The following CDYL2 variants were observed in gnomAD, a reference collection of about 807,000 sequenced individuals.
The protein encoded by CDYL2 is chromodomain Y-like protein 2.
CDYL2 carries 23 observed loss-of-function variants against 49.4 expected under a neutral mutation model. The observed-to-expected ratio is 0.47, with a 90% CI of 0.34 to 0.66. The LOEUF (loss-of-function observed/expected upper bound fraction) is 0.66, where lower values mean the gene tolerates loss of function less well. Among genes scored for constraint, CDYL2 ranks in the 30% least tolerant of loss-of-function variants. The pLI, the probability that CDYL2 is intolerant of heterozygous loss-of-function variation, is 0.01. For synonymous variants in CDYL2, 360 were observed against 268.8 expected (o/e 1.34, Z -3.32); for missense variants, 678 against 656.4 (o/e 1.03, Z -0.36).
At chr16:80,632,477 G>A (rs572497656) in intron 3 of CDYL2, among the ~76,000 whole-genome samples, 1 of 152,170 alleles carries the variant, frequency 6.6e-6, no homozygotes, top group African/African-American at 2.4e-5. Context: ...AGATGTTCTG[G>A]AATTCAGTAG....
intron 2 of CDYL2, among the ~76,000 whole-genome samples, chr16:80,641,293 G>T (rs1023258336): frequency 3.3e-5 from 5 of 152,068 alleles, no homozygotes; most frequent in African/African-American, 1.2e-4. Context: ...CAGGCCAGGA[G>T]AGAATGGCAT....
intron 1 of CDYL2, among the ~76,000 whole-genome samples, chr16:80,711,448 C>A (rs3100174): frequency 0.27 from 41,257 of 152,120 alleles, 10,142 homozygotes; most frequent in African/African-American, 0.66. Context: ...CTTAACAGAG[C>A]GTCCTGTTTT....
chr16:80,763,143 G>C (rs1009393945), intron 1 of CDYL2, among the ~76,000 whole-genome samples: 1 of 150,692 alleles, frequency 6.6e-6, no homozygotes, highest in Admixed American at 6.7e-5. Context: ...ACTCCAGCAG[G>C]AACCTAACTA....
intron 1 of CDYL2, among the ~76,000 whole-genome samples, chr16:80,767,875 G>A (rs549303615): frequency 2.6e-5 from 4 of 152,314 alleles, no homozygotes; most frequent in Admixed American, 6.5e-5. Context: ...TGTTCACTGT[G>A]CAGTGTCACA....
chr16:80,760,637 A>T (rs1305454690), intron 1 of CDYL2, among the ~76,000 whole-genome samples: 2 of 152,160 alleles, frequency 1.3e-5, no homozygotes, highest in Non-Finnish European at 2.9e-5. Flanking sequence ...AAAATTAAAA[A>T]TTTAAAAAGA....
chr16:80,743,499 G>A (rs2142554502), intron 1 of CDYL2, among the ~76,000 whole-genome samples: 2 of 152,244 alleles, frequency 1.3e-5, no homozygotes, highest in South Asian at 4.1e-4. Flanking sequence ...GAACTGGGGT[G>A]TATGAATGGG....
chr16:80,783,611 A>C (rs2142407461), intron 1 of CDYL2, among the ~76,000 whole-genome samples: 1 of 152,332 alleles, frequency 6.6e-6, no homozygotes, highest in East Asian at 1.9e-4. Flanking sequence ...TGAATGCATA[A>C]ACAACATGTG....
At chr16:80,759,143 T>TTA (rs796158021) in intron 1 of CDYL2, among the ~76,000 whole-genome samples, 1,840 of 90,058 alleles carry the variant, frequency 0.02, 23 homozygotes, top group Non-Finnish European at 0.03. Context: ...TATATATGGT[T>TTA]TATATAAATA....
chr16:80,736,400 G>C (rs948819375), intron 1 of CDYL2: 2 of 152,216 alleles, frequency 1.3e-5, no homozygotes, highest in South Asian at 2.1e-4. Flanking sequence ...TTATTTTCAA[G>C]TTACTAATTT....
intron 3 of CDYL2, among the ~76,000 whole-genome samples, chr16:80,621,287 A>G (rs183197250): frequency 3.3e-5 from 5 of 152,346 alleles, no homozygotes; most frequent in Non-Finnish European, 7.3e-5. Flanking sequence ...CCTTTACAAG[A>G]TGTGGAAAAA....
chr16:80,759,122 A>ATATATATATATATATATATGGTT (rs1567597502), intron 1 of CDYL2, among the ~76,000 whole-genome samples: 40 of 127,832 alleles, frequency 3.1e-4, no homozygotes, highest in African/African-American at 4.3e-4. Flanking sequence ...ATATATATAT[A>ATATATATATATATATATATGGTT]TATATATATA....
At chr16:80,777,911 A>G (rs1325028281) in intron 1 of CDYL2, among the ~76,000 whole-genome samples, 1 of 152,084 alleles carries the variant, frequency 6.6e-6, no homozygotes, top group Non-Finnish European at 1.5e-5. Context: ...ACTCAATACT[A>G]AAATTCTAAA....
At chr16:80,778,979 C>A (rs1907179243) in intron 1 of CDYL2, among the ~76,000 whole-genome samples, 1 of 151,912 alleles carries the variant, frequency 6.6e-6, no homozygotes, top group South Asian at 2.1e-4. Context: ...CAAATTTCAG[C>A]TATATTAAAT....
chr16:80,651,283 T>TA (rs1908571527), intron 2 of CDYL2, among the ~76,000 whole-genome samples: 1 of 152,184 alleles, frequency 6.6e-6, no homozygotes, highest in African/African-American at 2.4e-5. Context: ...AAGTTAGCTA[T>TA]CAAGCCACCA....
At chr16:80,767,863 C>T (rs1415598629) in intron 1 of CDYL2, among the ~76,000 whole-genome samples, 1 of 152,196 alleles carries the variant, frequency 6.6e-6, no homozygotes, top group African/African-American at 2.4e-5. Flanking sequence ...CAAGTGGCAC[C>T]TTGTTCACTG....
chr16:80,673,577 T>A (rs1453194217), intron 2 of CDYL2, among the ~76,000 whole-genome samples: 1 of 152,222 alleles, frequency 6.6e-6, no homozygotes, highest in African/African-American at 2.4e-5. Flanking sequence ...ATTTTAATAA[T>A]CTAGACGACA....
intron 1 of CDYL2, among the ~76,000 whole-genome samples, chr16:80,737,140 C>T (rs1905562223): frequency 6.6e-6 from 1 of 152,162 alleles, no homozygotes; most frequent in Non-Finnish European, 1.5e-5. Flanking sequence ...TTGAGCCTCA[C>T]AAATCTATCC....
chr16:80,638,129 C>A (rs1364295266), intron 2 of CDYL2, among the ~76,000 whole-genome samples: 1 of 151,952 alleles, frequency 6.6e-6, no homozygotes, highest in Non-Finnish European at 1.5e-5. Flanking sequence ...GGCTGGAGTA[C>A]AGTGCTGCTA....
chr16:80,682,533 C>A (rs1333786958), intron 2 of CDYL2, among the ~76,000 whole-genome samples: 1 of 152,208 alleles, frequency 6.6e-6, no homozygotes, highest in Non-Finnish European at 1.5e-5. Context: ...CTCATGTAGA[C>A]CCCTCTATGA....
Sources: gnomAD v4.1 joint callset for allele counts (sites outside exome capture counted in the v4.1 genomes callset) on GRCh38, gnomAD v4.1.1 for gene constraint, MANE v1.5 for transcripts, NCBI Gene and HGNC (gene_info 2026-07-23, HGNC 2026-07-21) for gene names.